DMXL1: variants seen among roughly 807,000 people sequenced by gnomAD.
The protein encoded by DMXL1 is dmX-like protein 1.
In DMXL1, 99 loss-of-function variants were observed where a neutral mutation model predicts 319.2. That is an observed-to-expected ratio of 0.31 (90% CI 0.26 to 0.37). The LOEUF (loss-of-function observed/expected upper bound fraction) is 0.37. Among genes scored for constraint, DMXL1 ranks in the 10% least tolerant of loss-of-function variants. DMXL1 has a pLI of 1.00. For synonymous variants in DMXL1, 1,385 were observed against 1,235.2 expected, an observed-to-expected ratio of 1.12 and a Z score of -2.54; for missense variants, 3,745 against 3,595.6, an observed-to-expected ratio of 1.04 and a Z score of -1.06.
At chr5:119,187,203 C>G (rs895350509) in intron 28 of DMXL1, among the ~76,000 whole-genome samples, 1 of 152,124 alleles carries the variant, frequency 6.6e-6, no homozygotes. Context: ...CTCCCTATAC[C>G]TCTTAAAATT....
rs977870078 is a variant in DMXL1 at position 119,071,305 on chromosome 5, C to T, written c.-265C>T. ...CCGGTGAGGGGACCCTGAGCTTCACCTGGGCTAGCGCGGGGAGTGACAGGT... is the reference window on the plus strand; with the variant it reads ...CCGGTGAGGGGACCCTGAGCTTCACTTGGGCTAGCGCGGGGAGTGACAGGT... On this transcript the variant is annotated 5_prime_UTR_variant, in exon 1 of 44. Transcript: ENST00000539542. 6.3e-6 allele frequency: 3 copies of T among 476,488 alleles called. No homozygotes were observed. The highest frequency in any genetic ancestry group is 4.3e-5 in the East Asian group (1 of 23,218). 29.5% of individuals were successfully genotyped at this position (476,488 alleles called of 1,614,324 possible).
At chr5:119,211,014 T>C (rs1433379291) in intron 34 of DMXL1, among the ~76,000 whole-genome samples, 1 of 151,668 alleles carries the variant, frequency 6.6e-6, no homozygotes, top group African/African-American at 2.4e-5. Context: ...ATTTTTTTTT[T>C]TTTTTTGCCT....
intron 43 of DMXL1, among the ~76,000 whole-genome samples, chr5:119,245,379 A>G (rs903145655): frequency 2.6e-5 from 4 of 152,230 alleles, no homozygotes; most frequent in Non-Finnish European, 5.9e-5. Flanking sequence ...AATTGTTTTC[A>G]TAATTCTCAA....
At chr5:119,101,587 C>T (rs879604068) in intron 2 of DMXL1, among the ~76,000 whole-genome samples, 4 of 152,106 alleles carry the variant, frequency 2.6e-5, no homozygotes, top group Admixed American at 6.5e-5. Flanking sequence ...GGATGGATGA[C>T]GACAATTAAC....
chr5:119,102,659 G>A, intron 3 of DMXL1, among the ~76,000 whole-genome samples: 1 of 152,124 alleles, frequency 6.6e-6, no homozygotes, highest in South Asian at 2.1e-4. Context: ...GCCAGGCATG[G>A]TGGCACATGC....
chr5:119,149,493 C>G lies in DMXL1; in HGVS notation c.3666C>G (p.Val1222=). The G allele has an allele frequency of 6.2e-7, 1 of 1,613,850 alleles. No individual in the cohort carries two copies. Among genetic ancestry groups the G allele is most frequent in the Middle Eastern group, 1.7e-4 (1 of 6,058 alleles). ...SPPFPVSLSW[V]RDGILVVGMD... ...CTTTTCCTGTTTCTTTATCGTGGGT[C>G]CGGGATGGCATCCTTGTGGTAGGAA... The change falls in exon 18 of 44, where the codon GTC becomes GTG. Residue 1222 remains valine (V), a synonymous_variant. Transcript: ENST00000539542.
intron 32 of DMXL1, among the ~76,000 whole-genome samples, chr5:119,200,879 G>C (rs921959767): frequency 4.6e-5 from 7 of 152,066 alleles, no homozygotes; most frequent in African/African-American, 1.7e-4. Flanking sequence ...AGCTGTTGTT[G>C]GTGTATAGGA....
chr5:119,071,413 G>A lies in DMXL1; in HGVS notation c.-157G>A, dbSNP rs1749516998. On this transcript the variant is annotated 5_prime_UTR_variant, in exon 1 of 44. Coordinates refer to ENST00000539542, the MANE Select transcript of DMXL1 (RefSeq NM_001290321.3). ...CTCCGGGGCTCGGGATGAGTCGCGG[G>A]CCCCAGCTGAGCGGCTCCGGCTCCA... 1.4e-6 allele frequency: 1 copy of A among 711,782 alleles called. No homozygotes were observed. Among genetic ancestry groups the A allele is most frequent in the South Asian group, 1.7e-5 (1 of 58,514 alleles). 44.1% of individuals were successfully genotyped at this position (711,782 alleles called of 1,614,324 possible). A position where few individuals can be genotyped will look rare whatever the true frequency, so the allele number is the denominator to read the frequency against.
At chr5:119,109,871 A>G (rs2149843496) in intron 4 of DMXL1, among the ~76,000 whole-genome samples, 1 of 152,248 alleles carries the variant, frequency 6.6e-6, no homozygotes, top group East Asian at 1.9e-4. Context: ...ATGAAAAACG[A>G]CAATGTTTTG....
chr5:119,097,961 A>T lies in DMXL1; in HGVS notation c.88-18A>T, dbSNP rs1580682575. On this transcript the variant is annotated intron_variant, in intron 1 of 43. Coordinates refer to ENST00000539542, the MANE Select transcript of DMXL1 (RefSeq NM_001290321.3). Reference sequence around the variant, plus strand: ...TTTCCTTGACACTTTTATCATTTTTATTTATTTATTTTTTTAGGCTTATGC... The same window carrying T: ...TTTCCTTGACACTTTTATCATTTTTTTTTATTTATTTTTTTAGGCTTATGC... 3.2e-6 allele frequency: 5 copies of T among 1,578,014 alleles called. No individual in the cohort carries two copies. In the East Asian group the frequency reaches 1.2e-4, roughly 37 times the overall value.
At chr5:119,196,914 T>C (rs1779742436) in intron 31 of DMXL1, among the ~76,000 whole-genome samples, 1 of 152,214 alleles carries the variant, frequency 6.6e-6, no homozygotes. Context: ...AAGATTTTTA[T>C]AAGACACTAT....
intron 2 of DMXL1, among the ~76,000 whole-genome samples, chr5:119,098,658 A>G (rs561217160): frequency 6.6e-6 from 1 of 152,232 alleles, no homozygotes; most frequent in African/African-American, 2.4e-5. Flanking sequence ...CAACATAAAC[A>G]AAAGTAACAA....
At chr5:119,176,307 G>A (rs562525067) in intron 26 of DMXL1, among the ~76,000 whole-genome samples, 1 of 152,026 alleles carries the variant, frequency 6.6e-6, no homozygotes, top group East Asian at 1.9e-4. Context: ...TTTCTTACAT[G>A]GTGTCAGCCT....
rs1463030468 is a variant in DMXL1, at chr5:119,171,400, C to T, written c.6489+120C>T. 17 of 1,004,982 alleles carry T rather than the reference C, an allele frequency of 1.7e-5. No individual in the cohort carries two copies. In the East Asian group the frequency reaches 4.1e-4, roughly 24 times the overall value. 62.3% of individuals were successfully genotyped at this position (1,004,982 alleles called of 1,614,324 possible). On this transcript the variant is annotated intron_variant, in intron 24 of 43. Transcript: ENST00000539542. ...TATTACGGTTGCTTTAGGGAAAGCT[C>T]CCTTTTGTGTGGTCCTTCATATTAT...
intron 9 of DMXL1, among the ~76,000 whole-genome samples, chr5:119,123,172 G>A (rs963601741): frequency 4.6e-5 from 7 of 151,918 alleles, no homozygotes; most frequent in African/African-American, 1.5e-4. Flanking sequence ...GCGTAGCGGC[G>A]CGCGCCTGCA....
chr5:119,080,375 C>G (rs781640711), intron 1 of DMXL1, among the ~76,000 whole-genome samples: 6 of 152,032 alleles, frequency 3.9e-5, no homozygotes, highest in Non-Finnish European at 7.4e-5. Context: ...ATAAAGTGTT[C>G]TATACTCAGT....
intron 40 of DMXL1, among the ~76,000 whole-genome samples, chr5:119,237,832 G>T (rs2150719378): frequency 6.6e-6 from 1 of 151,986 alleles, no homozygotes; most frequent in South Asian, 2.1e-4. Flanking sequence ...TTATTTTCTT[G>T]TTCATCTCTT....
intron 9 of DMXL1, among the ~76,000 whole-genome samples, chr5:119,122,240 C>A (rs1397471924): frequency 4.5e-5 from 6 of 133,976 alleles, no homozygotes; most frequent in Admixed American, 3.6e-4. Context: ...ACCTCCCGGA[C>A]GGGGCGGCTG....
At chr5:119,082,476 T>C (rs993094987) in intron 1 of DMXL1, among the ~76,000 whole-genome samples, 1 of 152,112 alleles carries the variant, frequency 6.6e-6, no homozygotes, top group Non-Finnish European at 1.5e-5. Flanking sequence ...GGTCTCACTG[T>C]ATTACCCAGA....
Sources: allele counts gnomAD v4.1 joint callset (sites outside exome capture counted in the v4.1 genomes callset), GRCh38; gene constraint gnomAD v4.1.1; transcripts MANE v1.5; gene names NCBI Gene and HGNC (gene_info 2026-07-23, HGNC 2026-07-21).